The following DSCAM variants were observed in gnomAD, a reference collection of about 807,000 sequenced individuals.
DSCAM encodes the protein cell adhesion molecule DSCAM.
A neutral mutation model predicts 217.7 loss-of-function variants in DSCAM; 47 were observed. The observed-to-expected ratio is 0.22, with a 90% confidence interval of 0.17 to 0.28. The LOEUF (loss-of-function observed/expected upper bound fraction) is 0.28. Among genes scored for constraint, DSCAM ranks in the 10% least tolerant of loss-of-function variants. The pLI, the probability that DSCAM is intolerant of heterozygous loss-of-function variation, is 1.00. For missense variants in DSCAM, 2,080 were observed against 2,618.3 expected (o/e 0.79, Z 4.49); for synonymous variants, 1,056 against 1,015.3 (o/e 1.04, Z -0.76).
At chr21:40,735,329 T>A (rs79641736) in intron 1 of DSCAM, among the ~76,000 whole-genome samples, 1 of 152,306 alleles carries the variant, frequency 6.6e-6, no homozygotes, top group East Asian at 1.9e-4. Context: ...GAAATACAAC[T>A]AGTTAAGGAA....
At chr21:40,675,656 T>G (rs377188761) in intron 3 of DSCAM, among the ~76,000 whole-genome samples, 1 of 151,968 alleles carries the variant, frequency 6.6e-6, no homozygotes, top group Non-Finnish European at 1.5e-5. Flanking sequence ...AGGTCGTATA[T>G]GTTAGTCACA....
rs1422682836 is a variant in DSCAM at position 40,101,058 on chromosome 21, T to A, written c.3697-7184A>T. On this transcript the variant is annotated intron_variant, in intron 20 of 32. Transcript: ENST00000400454. ...CCAGGCATGGACTTGAGGGATCCCA[T>A]CCCCCATGTCCCTGAACCAGAATGC... 2.0e-5 allele frequency among the ~76,000 whole-genome samples: 3 copies of A among 152,142 alleles called. No individual in the cohort carries two copies. In the South Asian group the frequency reaches 6.2e-4, roughly 31 times the overall value.
intron 3 of DSCAM, among the ~76,000 whole-genome samples, chr21:40,530,769 C>A (rs936326242): frequency 6.6e-6 from 1 of 152,136 alleles, no homozygotes; most frequent in Non-Finnish European, 1.5e-5. Context: ...CCCACCCCAT[C>A]GCTCGATAAG....
At chr21:40,487,589 G>A (rs1434699678) in intron 3 of DSCAM, among the ~76,000 whole-genome samples, 1 of 152,166 alleles carries the variant, frequency 6.6e-6, no homozygotes, top group Admixed American at 6.5e-5. Context: ...TACATGAGAA[G>A]ATTTGAATTT....
chr21:40,412,260 T>G (rs1392341224), intron 3 of DSCAM, among the ~76,000 whole-genome samples: 1 of 152,116 alleles, frequency 6.6e-6, no homozygotes, highest in Non-Finnish European at 1.5e-5. Context: ...AGTGGGGTGC[T>G]GATGAAAAGA....
At chr21:40,457,943 T>C (rs2075776893) in intron 3 of DSCAM, among the ~76,000 whole-genome samples, 1 of 152,168 alleles carries the variant, frequency 6.6e-6, no homozygotes, top group Non-Finnish European at 1.5e-5. Context: ...CCCTTTATGA[T>C]GAGTAAGCAT....
chr21:40,505,523 G>C (rs1312857917), intron 3 of DSCAM, among the ~76,000 whole-genome samples: 1 of 152,094 alleles, frequency 6.6e-6, no homozygotes, highest in Non-Finnish European at 1.5e-5. Context: ...ACAACAGCTG[G>C]TGGCTTGCTT....
intron 3 of DSCAM, among the ~76,000 whole-genome samples, chr21:40,438,592 G>C (rs761132630): frequency 6.6e-6 from 1 of 152,150 alleles, no homozygotes. Context: ...TTTAGTTGTT[G>C]GACCTATCAT....
chr21:40,625,664 G>A (rs1218902515), intron 3 of DSCAM, among the ~76,000 whole-genome samples: 1 of 152,132 alleles, frequency 6.6e-6, no homozygotes, highest in Admixed American at 6.5e-5. Flanking sequence ...ATGTCATTAC[G>A]TCTGTTCTTT....
intron 3 of DSCAM, among the ~76,000 whole-genome samples, chr21:40,689,814 ACAGGT>A: frequency 6.6e-6 from 1 of 152,334 alleles, no homozygotes; most frequent in South Asian, 2.1e-4. Flanking sequence ...TTAACCTTTT[ACAGGT>A]CATCTGCTGT....
At chr21:40,394,306 G>A (rs1156714051) in intron 3 of DSCAM, among the ~76,000 whole-genome samples, 1 of 152,158 alleles carries the variant, frequency 6.6e-6, no homozygotes, top group Non-Finnish European at 1.5e-5. Context: ...TGAATGAGAG[G>A]TCTGAGTTTC....
At chr21:40,019,858 ACTCT>A (rs2088230088) in intron 32 of DSCAM, among the ~76,000 whole-genome samples, 1 of 151,870 alleles carries the variant, frequency 6.6e-6, no homozygotes, top group Non-Finnish European at 1.5e-5. Flanking sequence ...TGATTTCCAT[ACTCT>A]ATGGTGTCAC....
intron 3 of DSCAM, among the ~76,000 whole-genome samples, chr21:40,375,369 G>C (rs540409436): frequency 1.3e-5 from 2 of 152,240 alleles, no homozygotes; most frequent in Admixed American, 1.3e-4. Flanking sequence ...GTCTATGATA[G>C]TTTGGGCTTT....
At position 40,155,277 on chromosome 21, in the gene DSCAM, T is replaced by C. The variant is rs114042507; in HGVS notation, c.3019-10546A>G. 2.6e-3 allele frequency among the ~76,000 whole-genome samples: 389 copies of C among 152,270 alleles called. 1 individual carries two copies. The highest frequency in any genetic ancestry group is 9.0e-3 in the African/African-American group (375 of 41,576). ...AACTCTGAGGGCTGGCCTCTGGGAA[T>C]ACCCCCACCTAGCTCCCGCGCCCAA... On this transcript the variant is annotated intron_variant, in intron 16 of 32. Transcript: ENST00000400454.
At chr21:40,519,539 C>G (rs1160002226) in intron 3 of DSCAM, among the ~76,000 whole-genome samples, 3 of 152,088 alleles carry the variant, frequency 2.0e-5, no homozygotes, top group African/African-American at 7.2e-5. Flanking sequence ...TGTCTATGAA[C>G]CAGGGAGTGG....
chr21:40,179,890 G>C lies in DSCAM; in HGVS notation c.2780-796C>G, dbSNP rs73904716. Among the ~76,000 whole-genome samples, 405 of 152,310 alleles carry C rather than the reference G, an allele frequency of 2.7e-3. 2 individuals carry two copies. Among genetic ancestry groups the C allele is most frequent in the African/African-American group, 9.5e-3 (393 of 41,552 alleles). ...GTTTGGGCAGTTGTTGACTGTAGGT[G>C]TGTGGTCGACAGCTGGTATTGGCTG... On this transcript the variant is annotated intron_variant, in intron 14 of 32. Coordinates refer to ENST00000400454, the MANE Select transcript of DSCAM (RefSeq NM_001389.5).
At chr21:40,294,950 C>G (rs2073937299) in intron 10 of DSCAM, among the ~76,000 whole-genome samples, 1 of 152,164 alleles carries the variant, frequency 6.6e-6, no homozygotes, top group Non-Finnish European at 1.5e-5. Flanking sequence ...CCCAATCAGA[C>G]AGTGTCTAGC....
intron 3 of DSCAM, among the ~76,000 whole-genome samples, chr21:40,426,507 T>C (rs2145886135): frequency 6.6e-6 from 1 of 152,328 alleles, no homozygotes; most frequent in Non-Finnish European, 1.5e-5. Context: ...GTCATCTCGT[T>C]ATACATTCTA....
At chr21:40,259,495 C>T (rs2073418933) in intron 11 of DSCAM, among the ~76,000 whole-genome samples, 1 of 152,010 alleles carries the variant, frequency 6.6e-6, no homozygotes, top group Non-Finnish European at 1.5e-5. Context: ...TCCCACAGCA[C>T]CAACCAGAGA....
Sources: gnomAD v4.1 joint callset for allele counts (sites outside exome capture counted in the v4.1 genomes callset) on GRCh38, gnomAD v4.1.1 for gene constraint, MANE v1.5 for transcripts, NCBI Gene and HGNC (gene_info 2026-07-23, HGNC 2026-07-21) for gene names.